The following ROBO2 variants were observed in gnomAD, a reference collection of about 807,000 sequenced individuals.
ROBO2 encodes the protein roundabout homolog 2.
ROBO2 carries 53 observed loss-of-function variants against 160.8 expected under a neutral mutation model. The observed-to-expected ratio is 0.33, with a 90% CI of 0.26 to 0.41. ROBO2 has a LOEUF of 0.41. Ranked by LOEUF, ROBO2 falls within the 10% of genes least tolerant of loss-of-function variation. The pLI is 1.00. For missense variants in ROBO2, 1,577 were observed against 1,722.4 expected, an observed-to-expected ratio of 0.92 and a Z score of 1.49; for synonymous variants, 664 against 611.7, an observed-to-expected ratio of 1.09 and a Z score of -1.26.
At chr3:76,755,578 C>G (rs1302293107) in intron 2 of ROBO2, among the ~76,000 whole-genome samples, 1 of 151,852 alleles carries the variant, frequency 6.6e-6, no homozygotes, top group East Asian at 1.9e-4. Context: ...CCATTCACAT[C>G]TCAACTTCTA....
intron 2 of ROBO2, among the ~76,000 whole-genome samples, chr3:76,943,966 A>C (rs2078356606): frequency 6.6e-6 from 1 of 152,218 alleles, no homozygotes; most frequent in Non-Finnish European, 1.5e-5. Context: ...TATTTATCTA[A>C]TTCAAAGTTG....
intron 2 of ROBO2, among the ~76,000 whole-genome samples, chr3:76,176,511 C>T (rs1255990609): frequency 1.3e-5 from 2 of 151,910 alleles, no homozygotes; most frequent in African/African-American, 4.8e-5. Context: ...GAATGGTACA[C>T]TTTTATATTG....
At chr3:76,806,557 C>T (rs2064736661) in intron 2 of ROBO2, among the ~76,000 whole-genome samples, 1 of 151,920 alleles carries the variant, frequency 6.6e-6, no homozygotes, top group African/African-American at 2.4e-5. Flanking sequence ...GATATGGTCA[C>T]ATCAAAAGCA....
chr3:76,745,840 A>T (rs1415096873), intron 2 of ROBO2, among the ~76,000 whole-genome samples: 11 of 143,898 alleles, frequency 7.6e-5, no homozygotes, highest in African/African-American at 2.8e-4. Context: ...TATTTATTTT[A>T]TTATTATTAT....
intron 2 of ROBO2, among the ~76,000 whole-genome samples, chr3:77,216,671 G>A (rs1472600764): frequency 6.6e-6 from 1 of 152,170 alleles, no homozygotes; most frequent in East Asian, 1.9e-4. Context: ...CGTCACTCAT[G>A]CTCAGAGCTG....
chr3:76,211,565 T>G (rs1184937187), intron 2 of ROBO2, among the ~76,000 whole-genome samples: 1 of 152,042 alleles, frequency 6.6e-6, no homozygotes, highest in Non-Finnish European at 1.5e-5. Flanking sequence ...TTTTAGAAAT[T>G]CCTTACAAGC....
At chr3:76,504,855 G>A (rs2080708184) in intron 2 of ROBO2, among the ~76,000 whole-genome samples, 1 of 152,084 alleles carries the variant, frequency 6.6e-6, no homozygotes, top group Admixed American at 6.6e-5. Flanking sequence ...TGTGAAAACA[G>A]TTTGCAGGTC....
chr3:76,689,380 C>T (rs1163300451), intron 2 of ROBO2, among the ~76,000 whole-genome samples: 2 of 152,022 alleles, frequency 1.3e-5, no homozygotes, highest in African/African-American at 4.8e-5. Flanking sequence ...GCATGGAGCA[C>T]CAAGTAATTA....
At chr3:76,026,983 G>C (rs528498124) in intron 2 of ROBO2, among the ~76,000 whole-genome samples, 1 of 151,878 alleles carries the variant, frequency 6.6e-6, no homozygotes, top group Non-Finnish European at 1.5e-5. Context: ...AGATGTCTGA[G>C]GACTGCGCTG....
chr3:76,433,041 A>G (rs1215907489), intron 2 of ROBO2, among the ~76,000 whole-genome samples: 1 of 152,166 alleles, frequency 6.6e-6, no homozygotes, highest in Non-Finnish European at 1.5e-5. Context: ...CAACTTTATT[A>G]TTTAAGGTTT....
At chr3:76,814,983 A>G (rs538223218) in intron 2 of ROBO2, among the ~76,000 whole-genome samples, 1 of 152,050 alleles carries the variant, frequency 6.6e-6, no homozygotes, top group African/African-American at 2.4e-5. Context: ...GGAGCTTACA[A>G]TCAGGCTTTC....
intron 2 of ROBO2, among the ~76,000 whole-genome samples, chr3:76,541,684 G>T (rs2082828413): frequency 6.6e-6 from 1 of 152,312 alleles, no homozygotes; most frequent in Non-Finnish European, 1.5e-5. Flanking sequence ...CCTGGAGGAG[G>T]TGATTTCAGA....
chr3:77,105,704 A>G (rs1296351307), intron 2 of ROBO2, among the ~76,000 whole-genome samples: 1 of 152,182 alleles, frequency 6.6e-6, no homozygotes, highest in Non-Finnish European at 1.5e-5. Flanking sequence ...AACTGTATTC[A>G]AACTCTCTCT....
At chr3:77,550,699 T>C in intron 7 of ROBO2, 119 bp from the exon 9 acceptor site, 1 of 1,044,260 alleles carries the variant, frequency 9.6e-7, no homozygotes, top group Non-Finnish European at 1.5e-6. Context: ...CTGAACCATA[T>C]ATATTTTAAT....
intron 2 of ROBO2, among the ~76,000 whole-genome samples, chr3:77,318,905 G>A (rs1462701918): frequency 1.3e-5 from 2 of 152,154 alleles, no homozygotes; most frequent in African/African-American, 4.8e-5. Context: ...AGGTCATCAT[G>A]ATTGCTTTAG....
chr3:76,843,259 C>A (rs2068462531), intron 2 of ROBO2, among the ~76,000 whole-genome samples: 1 of 150,518 alleles, frequency 6.6e-6, no homozygotes, highest in Non-Finnish European at 1.5e-5. Flanking sequence ...TATCATAAAT[C>A]ATATGAAAAT....
intron 2 of ROBO2, among the ~76,000 whole-genome samples, chr3:76,061,369 C>A (rs1183249164): frequency 6.6e-6 from 1 of 152,072 alleles, no homozygotes; most frequent in Admixed American, 6.6e-5. Flanking sequence ...TAAGTACAGT[C>A]TCATTATTCA....
intron 16 of ROBO2, among the ~76,000 whole-genome samples, chr3:77,585,015 C>T (rs191974455): frequency 4.0e-4 from 60 of 149,438 alleles, no homozygotes; most frequent in African/African-American, 1.4e-3. Flanking sequence ...GCCAGAAAGA[C>T]AGTACAAAAT....
At chr3:76,947,709 C>T (rs1028566676) in intron 2 of ROBO2, among the ~76,000 whole-genome samples, 3 of 150,966 alleles carry the variant, frequency 2.0e-5, no homozygotes, top group Admixed American at 6.6e-5. Context: ...TGACATGGGA[C>T]TGGTTTTTTT....
Sources: gnomAD v4.1 joint callset for allele counts (sites outside exome capture counted in the v4.1 genomes callset) on GRCh38, gnomAD v4.1.1 for gene constraint, MANE v1.5 for transcripts, NCBI Gene and HGNC (gene_info 2026-07-23, HGNC 2026-07-21) for gene names.